MYO16: variants seen among roughly 807,000 people sequenced by gnomAD.
MYO16 encodes the protein unconventional myosin-XVI.
Under a neutral mutation model 205.3 loss-of-function variants are expected in MYO16, and 94 were observed. The ratio of observed to expected loss-of-function variants is 0.46; its 90% confidence interval spans 0.39 to 0.54. The LOEUF (loss-of-function observed/expected upper bound fraction) is 0.54. Among genes scored for constraint, MYO16 ranks in the 20% least tolerant of loss-of-function variants. The pLI is 0.00. For missense variants in MYO16, 2,315 were observed against 2,387.5 expected, an observed-to-expected ratio of 0.97 and a Z score of 0.63; for synonymous variants, 988 against 954.0, an observed-to-expected ratio of 1.04 and a Z score of -0.66.
intron 20 of MYO16, among the ~76,000 whole-genome samples, chr13:108,988,049 A>T (rs1884698429): frequency 6.6e-6 from 1 of 152,182 alleles, no homozygotes; most frequent in South Asian, 2.1e-4. Context: ...CTCTCGGGAG[A>T]ATTCTAAGGC....
chr13:108,844,422 CTGT>C lies in MYO16; in HGVS notation c.1178_1180del (p.Leu393_Cys394delinsArg). The stretch of plus-strand genomic sequence containing the variant: ...TATGTTCAAAGATGCAACAAAAGGT[CTGT>C]GTAAGCAGCAGTCTCAGGACAGCAT... On this transcript the variant is annotated inframe_deletion, in exon 10 of 35. Transcript: ENST00000457511. 6.2e-7 allele frequency: 1 copy of C among 1,613,154 alleles called. No individual in the cohort carries two copies. The highest frequency in any genetic ancestry group is 1.7e-5 in the Admixed American group (1 of 59,954).
intron 12 of MYO16, among the ~76,000 whole-genome samples, chr13:108,869,795 C>A (rs1878958469): frequency 1.5e-5 from 2 of 131,272 alleles, no homozygotes; most frequent in African/African-American, 2.9e-5. Context: ...CTTAAACTAG[C>A]AAGTTTGTAA....
At chr13:108,833,790 G>C (rs979621318) in intron 9 of MYO16, among the ~76,000 whole-genome samples, 3 of 152,096 alleles carry the variant, frequency 2.0e-5, no homozygotes, top group Non-Finnish European at 4.4e-5. Context: ...GAAATTGGTT[G>C]TCTGCTGGTA....
At chr13:108,497,806 A>G in the MYO16 span, among the ~76,000 whole-genome samples, 4 of 152,214 alleles carry the variant, frequency 2.6e-5, no homozygotes, top group African/African-American at 9.6e-5. Context: ...GTGCTGGGTC[A>G]TGAATGTAAT....
At chr13:109,106,809 CAAG>C (rs1889134549) in intron 28 of MYO16, among the ~76,000 whole-genome samples, 1 of 152,120 alleles carries the variant, frequency 6.6e-6, no homozygotes, top group Non-Finnish European at 1.5e-5. Context: ...ACTGATAGTT[CAAG>C]AAGATGTCGA....
the MYO16 span, among the ~76,000 whole-genome samples, chr13:108,590,924 G>T: frequency 6.6e-6 from 1 of 152,188 alleles, no homozygotes; most frequent in Non-Finnish European, 1.5e-5. Flanking sequence ...AAGCCACCAT[G>T]TTTGTGCTAC....
At chr13:108,740,470 G>A (rs1221828480) in intron 4 of MYO16, among the ~76,000 whole-genome samples, 4 of 152,156 alleles carry the variant, frequency 2.6e-5, no homozygotes, top group African/African-American at 7.2e-5. Context: ...AACAGCAAAT[G>A]TTGCTGCCTG....
chr13:109,197,384 T>C (rs1232631730), intron 34 of MYO16, among the ~76,000 whole-genome samples: 1 of 152,158 alleles, frequency 6.6e-6, no homozygotes, highest in Non-Finnish European at 1.5e-5. Flanking sequence ...TGGAGCTGAG[T>C]TGCCCATTTA....
intron 7 of MYO16, among the ~76,000 whole-genome samples, chr13:108,817,896 T>G (rs887534594): frequency 6.6e-6 from 1 of 152,176 alleles, no homozygotes; most frequent in African/African-American, 2.4e-5. Flanking sequence ...ACAATGACCA[T>G]TTTAAAATAT....
At chr13:109,176,413 T>G (rs1226446728) in intron 33 of MYO16, among the ~76,000 whole-genome samples, 1 of 151,710 alleles carries the variant, frequency 6.6e-6, no homozygotes, top group Non-Finnish European at 1.5e-5. Context: ...ACACATTTTA[T>G]TTTTAGGGCA....
intron 16 of MYO16, among the ~76,000 whole-genome samples, chr13:108,915,142 A>G (rs1303643910): frequency 1.3e-5 from 2 of 152,238 alleles, no homozygotes; most frequent in African/African-American, 4.8e-5. Flanking sequence ...TAACTTTAGA[A>G]TATAAGTGAT....
At chr13:108,648,912 C>G (rs888178977) in intron 1 of MYO16, among the ~76,000 whole-genome samples, 1 of 152,078 alleles carries the variant, frequency 6.6e-6, no homozygotes, top group Non-Finnish European at 1.5e-5. Flanking sequence ...TTCTCTCTCT[C>G]TCTCTCTCTC....
chr13:109,088,943 G>A (rs9514978), intron 27 of MYO16, among the ~76,000 whole-genome samples: 88,170 of 151,920 alleles, frequency 0.58, 25,858 homozygotes, highest in African/African-American at 0.65. Flanking sequence ...TTCTGCCAAC[G>A]GCGTTGTGAG....
At chr13:109,030,583 A>G (rs758366469) in intron 23 of MYO16, among the ~76,000 whole-genome samples, 2 of 152,138 alleles carry the variant, frequency 1.3e-5, no homozygotes, top group Non-Finnish European at 2.9e-5. Context: ...TGATGGATGT[A>G]TGAATTTACT....
chr13:109,078,942 A>G (rs1298369936), intron 27 of MYO16, among the ~76,000 whole-genome samples: 2 of 152,012 alleles, frequency 1.3e-5, no homozygotes, highest in Non-Finnish European at 2.9e-5. Flanking sequence ...TAGGTAGTCT[A>G]TTCATATGCA....
intron 2 of MYO16, among the ~76,000 whole-genome samples, chr13:108,688,773 T>C (rs1458992363): frequency 1.3e-5 from 2 of 152,202 alleles, no homozygotes; most frequent in African/African-American, 4.8e-5. Context: ...TTAAAGTGCT[T>C]CATGAAAATA....
At chr13:108,699,870 A>C (rs889488892) in intron 2 of MYO16, among the ~76,000 whole-genome samples, 2 of 152,154 alleles carry the variant, frequency 1.3e-5, no homozygotes, top group Non-Finnish European at 2.9e-5. Context: ...TGAGAGATAC[A>C]TATTTTTAGG....
At chr13:108,765,373 CT>C (rs1885746205) in intron 4 of MYO16, among the ~76,000 whole-genome samples, 1 of 152,108 alleles carries the variant, frequency 6.6e-6, no homozygotes, top group African/African-American at 2.4e-5. Context: ...GGTGTTATTG[CT>C]TTTCACTTCA....
the MYO16 span, among the ~76,000 whole-genome samples, chr13:108,558,567 G>A: frequency 6.6e-6 from 1 of 152,186 alleles, no homozygotes; most frequent in African/African-American, 2.4e-5. Flanking sequence ...GTGAGGAGAG[G>A]ATGAGGCCTT....
Sources: gnomAD v4.1 joint callset for allele counts (sites outside exome capture counted in the v4.1 genomes callset) on GRCh38, gnomAD v4.1.1 for gene constraint, MANE v1.5 for transcripts, NCBI Gene and HGNC (gene_info 2026-07-23, HGNC 2026-07-21) for gene names.